Variants in RAP1GAP2 observed in about 807,000 individuals in gnomAD.
RAP1GAP2 encodes the protein rap1 GTPase-activating protein 2.
Under a neutral mutation model 95.0 loss-of-function variants are expected in RAP1GAP2, and 27 were observed. The observed-to-expected ratio is 0.28, with a 90% CI of 0.21 to 0.39. RAP1GAP2 has a LOEUF of 0.39. RAP1GAP2 is among the 10% of genes least tolerant of loss of function. The pLI is 1.00. For synonymous variants in RAP1GAP2, 373 were observed against 380.9 expected, an observed-to-expected ratio of 0.98 and a Z score of 0.24; for missense variants, 771 against 970.0, an observed-to-expected ratio of 0.79 and a Z score of 2.72.
At chr17:3,012,543 G>C (rs898307970) in intron 17 of RAP1GAP2, among the ~76,000 whole-genome samples, 4 of 141,798 alleles carry the variant, frequency 2.8e-5, no homozygotes, top group African/African-American at 5.3e-5. Context: ...GCTCAAACCT[G>C]GGAGGTGGAG....
In RAP1GAP2 at chr17:2,797,010, T is replaced by G. The variant is rs1253711345; in HGVS notation, c.44+439T>G. 6.6e-6 allele frequency among the ~76,000 whole-genome samples: 1 copy of G among 152,134 alleles called. No individual in the cohort carries two copies. Among genetic ancestry groups the G allele is most frequent in the Non-Finnish European group, 1.5e-5 (1 of 68,016 alleles). On this transcript the variant is annotated intron_variant, in intron 1 of 24. Transcript: ENST00000254695. The surrounding 1 kb of genome is among the most constrained non-coding windows in gnomAD (Gnocchi z 5.6). ...TGTGTGAGGTGTGTGCCTGTGCATG[T>G]GGGCAGCTGCCTGTCTGCACTTCTG...
intron 2 of RAP1GAP2, among the ~76,000 whole-genome samples, chr17:2,878,066 G>A (rs761537124): frequency 1.3e-5 from 2 of 152,088 alleles, no homozygotes; most frequent in African/African-American, 2.4e-5. Context: ...ATGGACACAC[G>A]CGTTACCTGG....
intron 3 of RAP1GAP2, among the ~76,000 whole-genome samples, chr17:2,930,836 C>T (rs1043778356): frequency 8.5e-5 from 13 of 152,128 alleles, no homozygotes; most frequent in Non-Finnish European, 2.9e-5. Context: ...TAAAACAAAA[C>T]AAAAGAGCTG....
At chr17:2,907,950 G>A (rs753396026) in intron 3 of RAP1GAP2, among the ~76,000 whole-genome samples, 4 of 152,104 alleles carry the variant, frequency 2.6e-5, no homozygotes, top group Non-Finnish European at 4.4e-5. Context: ...GGGATTACAG[G>A]TGCGTGCCAC....
At chr17:2,761,077 C>T (rs969105933) in intron 1 of RAP1GAP2, among the ~76,000 whole-genome samples, 3 of 151,426 alleles carry the variant, frequency 2.0e-5, no homozygotes, top group African/African-American at 7.3e-5. Context: ...GCCTCAGCCT[C>T]CCGAGTAGCT....
intron 2 of RAP1GAP2, among the ~76,000 whole-genome samples, chr17:2,854,449 T>G (rs1399771483): frequency 1.3e-5 from 2 of 152,226 alleles, no homozygotes; most frequent in Admixed American, 1.3e-4. Context: ...GGCGGCTCCA[T>G]GCGCCGGTGT....
Position 2,905,287 on chromosome 17 carries a change from G to A in RAP1GAP2, c.84G>A (p.Lys28=), listed in dbSNP as rs762105534. ...ACCTCTTTTGGCCTCTTCACAGGAA[G>A]CAGGAGCTGGCCAACAGCTCGGATG... is the stretch of plus-strand genomic sequence containing the variant. ...KTMLASLKVK[K]QELANSSDAT... Residue 28 remains lysine (K), a synonymous_variant, in exon 3 of 25, where the codon AAG becomes AAA. Coordinates refer to ENST00000254695, the MANE Select transcript of RAP1GAP2 (RefSeq NM_015085.5). 1 of 1,613,722 alleles carries A rather than the reference G, an allele frequency of 6.2e-7. No individual in the cohort carries two copies. The highest frequency in any genetic ancestry group is 8.5e-7 in the Non-Finnish European group (1 of 1,179,718).
chr17:2,760,205 A>G (rs1218462833), intron 1 of RAP1GAP2, among the ~76,000 whole-genome samples: 1 of 134,864 alleles, frequency 7.4e-6, no homozygotes, highest in Non-Finnish European at 1.6e-5. Flanking sequence ...AGGCAGGAGA[A>G]TGGTGTGAAC....
intron 3 of RAP1GAP2, among the ~76,000 whole-genome samples, chr17:2,918,647 G>T (rs940877164): frequency 6.6e-6 from 1 of 151,984 alleles, no homozygotes; most frequent in Non-Finnish European, 1.5e-5. Context: ...ACCAGAGCTC[G>T]TGAGAATTCA....
At chr17:2,854,195 G>C in intron 2 of RAP1GAP2, 6 of 967,494 alleles carry the variant, frequency 6.2e-6, no homozygotes, top group Non-Finnish European at 7.4e-6. Flanking sequence ...GTTTGGTTCC[G>C]TGTTGGTTAG....
chr17:2,789,344 G>A (rs577676285), intron 1 of RAP1GAP2, among the ~76,000 whole-genome samples: 4 of 152,154 alleles, frequency 2.6e-5, no homozygotes, highest in Admixed American at 2.6e-4. Flanking sequence ...CACCGTGGCC[G>A]GCATTATCAA....
chr17:3,026,037 C>T lies in RAP1GAP2; in HGVS notation c.1781C>T (p.Pro594Leu). The T allele has an allele frequency of 6.2e-7, 1 of 1,613,776 alleles. No homozygotes were observed. The highest frequency in any genetic ancestry group is 8.5e-7 in the Non-Finnish European group (1 of 1,179,708). ...CDSTSSTPKT[P>L]DGGHSSQEIK... ...AGCACATCCAGCACACCCAAGACCC[C>T]AGATGGTGGACACTCCTCTCAGGAG... The change falls in exon 20 of 25, where the codon CCA becomes CTA. Residue 594 changes from proline (P) to leucine (L), a missense_variant. Physicochemically the swap from Pro to Leu is moderately conservative, Grantham distance 98. Transcript: ENST00000254695.
intron 2 of RAP1GAP2, among the ~76,000 whole-genome samples, chr17:2,850,630 A>G (rs1332966971): frequency 4.0e-5 from 6 of 150,048 alleles, no homozygotes; most frequent in Non-Finnish European, 7.4e-5. Context: ...GGCGCCTGTA[A>G]TCCCAGCTAC....
intron 1 of RAP1GAP2, among the ~76,000 whole-genome samples, chr17:2,789,849 C>G (rs1415495560): frequency 1.3e-5 from 2 of 151,258 alleles, no homozygotes; most frequent in African/African-American, 4.9e-5. Flanking sequence ...GGGCCCTGCT[C>G]TTGGAACTCA....
intron 19 of RAP1GAP2, 32 bp from the exon 20 acceptor site, chr17:3,025,976 C>A: frequency 1.3e-6 from 2 of 1,520,554 alleles, no homozygotes; most frequent in Non-Finnish European, 1.8e-6. Flanking sequence ...GGGCTGTCTC[C>A]GCGGCCTCAC....
chr17:2,796,436 G>T, upstream of RAP1GAP2: 1 of 1,432,360 alleles, frequency 7.0e-7, no homozygotes, highest in East Asian at 2.5e-5. This position sits in a 1 kb window ranked among gnomAD's most constrained non-coding sequence, Gnocchi z 4.7. Context: ...CCCTGCACCG[G>T]CACTGACCCC....
intron 2 of RAP1GAP2, among the ~76,000 whole-genome samples, chr17:2,830,972 C>CACTT (rs2070814120): frequency 2.2e-5 from 2 of 91,908 alleles, no homozygotes; most frequent in Non-Finnish European, 4.5e-5. Flanking sequence ...CCCCTTCCCT[C>CACTT]CCTTCCCCTA....
chr17:2,916,593 G>A (rs2042577269), intron 3 of RAP1GAP2, among the ~76,000 whole-genome samples: 2 of 152,204 alleles, frequency 1.3e-5, no homozygotes, highest in Admixed American at 1.3e-4. Context: ...ATTTCAACAG[G>A]TCGCTTCATC....
At chr17:2,940,190 T>C (rs1211412654) in intron 3 of RAP1GAP2, among the ~76,000 whole-genome samples, 6 of 152,020 alleles carry the variant, frequency 3.9e-5, no homozygotes, top group Admixed American at 6.5e-5. Flanking sequence ...AGTGGCTGTT[T>C]GCCTGCCACG....
Sources: allele counts gnomAD v4.1 joint callset (sites outside exome capture counted in the v4.1 genomes callset), GRCh38; gene constraint gnomAD v4.1.1; non-coding constraint Gnocchi (gnomAD v3.1); transcripts MANE v1.5; gene names NCBI Gene and HGNC (gene_info 2026-07-23, HGNC 2026-07-21).